Variants in TSHR observed in about 807,000 individuals in gnomAD.
TSHR encodes the protein thyroid stimulating hormone receptor.
Under a neutral mutation model 64.1 loss-of-function variants are expected in TSHR, and 51 were observed. The observed-to-expected ratio is 0.80, with a 90% CI of 0.64 to 1.01. The LOEUF (loss-of-function observed/expected upper bound fraction) is 1.01, where lower values mean the gene tolerates loss of function less well. Among genes scored for constraint, TSHR ranks in the 50% least tolerant of loss-of-function variants. The pLI is 0.00. For missense variants in TSHR, 877 were observed against 942.8 expected (o/e 0.93, Z 0.91); for synonymous variants, 361 against 361.9 (o/e 1.00, Z 0.03).
chr14:81,127,351 A>C (rs1026948207), intron 8 of TSHR, among the ~76,000 whole-genome samples: 8 of 152,160 alleles, frequency 5.3e-5, no homozygotes, highest in African/African-American at 1.7e-4. Flanking sequence ...AGAAATAAAC[A>C]CTTAAAAAAA....
chr14:81,077,308 A>G (rs1355643612), intron 3 of TSHR, among the ~76,000 whole-genome samples: 2 of 152,250 alleles, frequency 1.3e-5, no homozygotes, highest in Non-Finnish European at 2.9e-5. Context: ...GAAACAATGT[A>G]TTCTGAACAT....
intron 1 of TSHR, among the ~76,000 whole-genome samples, chr14:80,998,916 T>C (rs866627880): frequency 2.3e-4 from 35 of 152,222 alleles, no homozygotes; most frequent in African/African-American, 8.2e-4. Flanking sequence ...TCTCCATGAC[T>C]AAGGAAATGG....
In TSHR at chr14:81,126,611, C is replaced by T. The variant is rs1891031256; in HGVS notation, c.693-13068C>T. Among the ~76,000 whole-genome samples the T allele has an allele frequency of 1.3e-5, 2 of 152,128 alleles. 1 individual carries two copies. The highest frequency in any genetic ancestry group is 4.1e-4 in the South Asian group (2 of 4,834). On this transcript the variant is annotated intron_variant, in intron 8 of 9. Coordinates refer to ENST00000298171, the MANE Select transcript of TSHR (RefSeq NM_000369.5). ...CTGGTAGAACATAAAAGAATTTTTG[C>T]TGAGAATGAATACTAGGAAAACAAC...
At position 81,139,678 on chromosome 14, in the gene TSHR, G is replaced by C. The variant is rs1566833256; in HGVS notation, c.693-1G>C. On this transcript the variant is annotated splice_acceptor_variant, in intron 8 of 9. Transcript: ENST00000298171. LOFTEE classifies it high-confidence loss of function. ...GCATTTTTCTGTTCTCTGCCTCCCAGGGACGTGTCTCAAACCAGTGTCACT... is the reference window on the plus strand; with the variant it reads ...GCATTTTTCTGTTCTCTGCCTCCCACGGACGTGTCTCAAACCAGTGTCACT... The C allele has an allele frequency of 1.2e-6, 2 of 1,613,992 alleles. No individual in the cohort carries two copies. The highest frequency in any genetic ancestry group is 1.7e-6 in the Non-Finnish European group (2 of 1,180,028).
chr14:81,089,052 A>C (rs2139972941), intron 4 of TSHR, among the ~76,000 whole-genome samples: 1 of 142,372 alleles, frequency 7.0e-6, no homozygotes, highest in South Asian at 2.2e-4. Context: ...CAGTGGTGTG[A>C]TCTTGGCTCA....
In TSHR at chr14:80,983,215, A is replaced by G. The variant is rs1283239522; in HGVS notation, c.170+27365A>G. The G allele has an allele frequency of 8.0e-6, 10 of 1,249,016 alleles. No individual in the cohort carries two copies. The South Asian group carries it at 1.4e-4, about 18-fold the overall frequency. The allele number at this position is 1,249,016 out of a possible 1,614,324, so 77.4% of individuals were successfully genotyped here. A position where few individuals can be genotyped will look rare whatever the true frequency, so the allele number is the denominator to read the frequency against. On this transcript the variant is annotated intron_variant, in intron 1 of 9. Coordinates refer to ENST00000298171, the MANE Select transcript of TSHR (RefSeq NM_000369.5). ...TGCAAAATTGAATTACATGTTAAGC[A>G]TATGTGTAAAGACACCATGTCATTT...
intron 1 of TSHR, among the ~76,000 whole-genome samples, chr14:81,005,215 GTGTGTGTGTGTGTGT>G (rs1889534869): frequency 9.6e-6 from 1 of 104,488 alleles, no homozygotes; most frequent in South Asian, 2.9e-4. Context: ...GTGTGTGTGT[GTGTGTGTGTGTGTGT>G]GTGTGTGTGT....
chr14:81,129,546 C>T (rs917395405), intron 8 of TSHR, among the ~76,000 whole-genome samples: 8 of 152,176 alleles, frequency 5.3e-5, no homozygotes, highest in African/African-American at 1.9e-4. Flanking sequence ...CTACCTGCTG[C>T]ACAGCAATCA....
chr14:81,032,436 C>A (rs1292405148), intron 1 of TSHR: 2 of 286,956 alleles, frequency 7.0e-6, no homozygotes, highest in African/African-American at 4.5e-5. Flanking sequence ...GCCTACCTTG[C>A]AAGACACTTC....
At chr14:81,026,783 C>T (rs1307886757) in intron 1 of TSHR, among the ~76,000 whole-genome samples, 4 of 152,108 alleles carry the variant, frequency 2.6e-5, no homozygotes, top group Non-Finnish European at 5.9e-5. Context: ...CACCTGTAAT[C>T]CCAGCACTTT....
intron 3 of TSHR, among the ~76,000 whole-genome samples, chr14:81,076,788 C>A (rs2072793457): frequency 6.6e-6 from 1 of 152,148 alleles, no homozygotes; most frequent in South Asian, 2.1e-4. Context: ...AACTGGTATT[C>A]CCAATTGATT....
chr14:81,036,261 A>T (rs942856374), intron 1 of TSHR, among the ~76,000 whole-genome samples: 3 of 152,210 alleles, frequency 2.0e-5, no homozygotes, highest in African/African-American at 7.2e-5. Context: ...AACAGATTCA[A>T]CCCAAAGAGG....
chr14:81,134,294 T>C (rs1052246676), intron 8 of TSHR, among the ~76,000 whole-genome samples: 2 of 151,978 alleles, frequency 1.3e-5, no homozygotes, highest in African/African-American at 4.8e-5. Context: ...TGTGCCACCA[T>C]GCCCGGCTAA....
intron 8 of TSHR, 35 bp from the exon 9 acceptor site, chr14:81,139,644 T>C (rs1191248781): frequency 1.2e-6 from 2 of 1,612,340 alleles, no homozygotes; most frequent in South Asian, 1.1e-5. Flanking sequence ...GGCTGCTCAC[T>C]GCCTCTCTGC....
intron 1 of TSHR, among the ~76,000 whole-genome samples, chr14:80,984,631 G>T (rs1205291553): frequency 1.3e-5 from 2 of 152,192 alleles, no homozygotes; most frequent in African/African-American, 4.8e-5. Flanking sequence ...GGCCTTCAAA[G>T]CTCAGAGACT....
At chr14:81,105,788 GA>G (rs1363264323) in intron 7 of TSHR, among the ~76,000 whole-genome samples, 1 of 152,206 alleles carries the variant, frequency 6.6e-6, no homozygotes, top group African/African-American at 2.4e-5. Flanking sequence ...GAAAAACTGA[GA>G]TGAGTTCACC....
At chr14:81,076,583 T>G (rs1473908464) in intron 3 of TSHR, among the ~76,000 whole-genome samples, 1 of 152,140 alleles carries the variant, frequency 6.6e-6, no homozygotes, top group Non-Finnish European at 1.5e-5. Flanking sequence ...ACTTCCTTCA[T>G]CCTGATGCAA....
chr14:81,133,727 C>T (rs1381014676), intron 8 of TSHR, among the ~76,000 whole-genome samples: 1 of 152,142 alleles, frequency 6.6e-6, no homozygotes. Context: ...AACCAGAGAT[C>T]TCCAGTCAAA....
In TSHR at chr14:81,122,020, C is replaced by CTTTTTTTTT. The variant is rs1161879777; in HGVS notation, c.692+13601_692+13609dup. Among the ~76,000 whole-genome samples, 9 of 44,904 alleles carry CTTTTTTTTT rather than the reference C, an allele frequency of 2.0e-4. 2 individuals carry two copies. Among genetic ancestry groups the CTTTTTTTTT allele is most frequent in the African/African-American group, 4.1e-4 (5 of 12,120 alleles). 29.5% of individuals were successfully genotyped at this position (44,904 alleles called of 152,430 possible). A position where few individuals can be genotyped will look rare whatever the true frequency, so the allele number is the denominator to read the frequency against. On this transcript the variant is annotated intron_variant, in intron 8 of 9. Coordinates refer to ENST00000298171, the MANE Select transcript of TSHR (RefSeq NM_000369.5). The stretch of plus-strand genomic sequence containing the variant: ...CTGGTTTGAGATGTGTTTTCTTTTC[C>CTTTTTTTTT]TTTTTTTTTTTTTTTTTTTTTTTTT...
Sources: allele counts gnomAD v4.1 joint callset (sites outside exome capture counted in the v4.1 genomes callset), GRCh38; gene constraint gnomAD v4.1.1; transcripts MANE v1.5; gene names NCBI Gene and HGNC (gene_info 2026-07-23, HGNC 2026-07-21).